The following SLC38A12 variants were observed in gnomAD, a reference collection of about 807,000 sequenced individuals.
SLC38A12 encodes putative sodium-coupled neutral amino acid transporter 12.
the SLC38A12 span, among the ~76,000 whole-genome samples, chr17:74,828,741 T>C: frequency 4.6e-5 from 7 of 151,938 alleles, no homozygotes; most frequent in African/African-American, 1.7e-4. Flanking sequence ...CCTTGGGCTT[T>C]TCGAGAAGGA....
the SLC38A12 span, among the ~76,000 whole-genome samples, chr17:74,822,553 G>C: frequency 6.6e-6 from 1 of 152,244 alleles, no homozygotes. Context: ...TTTGATCCAA[G>C]AGATAATCAA....
the SLC38A12 span, among the ~76,000 whole-genome samples, chr17:74,805,153 T>G: frequency 3.3e-5 from 5 of 152,162 alleles, no homozygotes; most frequent in Non-Finnish European, 7.3e-5. The surrounding 1 kb of genome is among the most constrained non-coding windows in gnomAD (Gnocchi z 5.0). Context: ...TAGTAAAAGG[T>G]CTCCCGGGGA....
chr17:74,836,971 A>G, the SLC38A12 span: 5 of 1,229,920 alleles, frequency 4.1e-6, no homozygotes, highest in South Asian at 1.3e-4. This position sits in a 1 kb window ranked among gnomAD's most constrained non-coding sequence, Gnocchi z 4.2. Context: ...CACCTCTCCC[A>G]CATCTTCCAA....
the SLC38A12 span, among the ~76,000 whole-genome samples, chr17:74,809,240 G>A: frequency 2.6e-5 from 4 of 152,200 alleles, no homozygotes; most frequent in Non-Finnish European, 5.9e-5. Flanking sequence ...GGGGGAAGCA[G>A]AGGTTTGAGG....
chr17:74,788,697 T>A, the SLC38A12 span: 1 of 1,051,496 alleles, frequency 9.5e-7, no homozygotes, highest in Non-Finnish European at 1.4e-6. Flanking sequence ...TCTGGGCTGG[T>A]GGGTCTGGTC....
chr17:74,831,866 C>T, the SLC38A12 span, among the ~76,000 whole-genome samples: 6 of 152,234 alleles, frequency 3.9e-5, no homozygotes, highest in Admixed American at 6.5e-5. Flanking sequence ...GGCTGAGCCC[C>T]GGGCGTCGGT....
At chr17:74,807,598 A>G in the SLC38A12 span, among the ~76,000 whole-genome samples, 1 of 152,184 alleles carries the variant, frequency 6.6e-6, no homozygotes, top group African/African-American at 2.4e-5. Context: ...CTGCCAGGAC[A>G]AGCTTCCCCT....
At chr17:74,824,461 C>T in the SLC38A12 span, among the ~76,000 whole-genome samples, 3 of 152,210 alleles carry the variant, frequency 2.0e-5, no homozygotes, top group African/African-American at 4.8e-5. Context: ...CCTGCCCCGC[C>T]GCAGGGAGCT....
the SLC38A12 span, among the ~76,000 whole-genome samples, chr17:74,796,355 T>A: frequency 6.6e-6 from 1 of 152,194 alleles, no homozygotes; most frequent in African/African-American, 2.4e-5. Flanking sequence ...TGACATAAAT[T>A]TAGGTGTGCT....
At chr17:74,784,511 A>G in the SLC38A12 span, among the ~76,000 whole-genome samples, 2 of 152,088 alleles carry the variant, frequency 1.3e-5, no homozygotes, top group East Asian at 3.9e-4. Context: ...GTTGATACTA[A>G]GAGAAATACA....
At chr17:74,805,663 C>T in the SLC38A12 span, among the ~76,000 whole-genome samples, 9 of 152,234 alleles carry the variant, frequency 5.9e-5, no homozygotes, top group Non-Finnish European at 1.3e-4. This position sits in a 1 kb window ranked among gnomAD's most constrained non-coding sequence, Gnocchi z 5.0. Context: ...CAGACGTCAG[C>T]AGAAAAGGGG....
chr17:74,792,315 G>A, the SLC38A12 span, among the ~76,000 whole-genome samples: 2 of 152,118 alleles, frequency 1.3e-5, no homozygotes, highest in South Asian at 4.1e-4. Context: ...GCTGGGCGTG[G>A]TGGTGCACAC....
chr17:74,787,664 C>T, the SLC38A12 span, among the ~76,000 whole-genome samples: 2 of 151,702 alleles, frequency 1.3e-5, no homozygotes, highest in Middle Eastern at 3.2e-3. Context: ...GATGAATGTT[C>T]GTCCCATGCT....
the SLC38A12 span, among the ~76,000 whole-genome samples, chr17:74,822,749 T>C: frequency 1.3e-5 from 2 of 152,226 alleles, no homozygotes; most frequent in African/African-American, 4.8e-5. Flanking sequence ...CAGCTGGGTC[T>C]AGGGTTCCAT....
chr17:74,789,853 A>G, the SLC38A12 span, among the ~76,000 whole-genome samples: 2 of 151,258 alleles, frequency 1.3e-5, no homozygotes, highest in Non-Finnish European at 3.0e-5. Context: ...CTCAAAAAAA[A>G]AAAAAAAAAA....
the SLC38A12 span, chr17:74,819,694 G>T: frequency 5.8e-6 from 9 of 1,541,984 alleles, no homozygotes; most frequent in South Asian, 6.7e-5. Flanking sequence ...TCTTCCGTGT[G>T]CAGACAGTCT....
chr17:74,834,742 C>T, the SLC38A12 span, among the ~76,000 whole-genome samples: 1 of 152,238 alleles, frequency 6.6e-6, no homozygotes, highest in Admixed American at 6.5e-5. Flanking sequence ...GGAAATGTCA[C>T]GTGTCCCCGT....
At chr17:74,824,193 T>C in the SLC38A12 span, among the ~76,000 whole-genome samples, 1 of 152,290 alleles carries the variant, frequency 6.6e-6, no homozygotes. Flanking sequence ...ATCCCAGCTG[T>C]GGTGCGTGGA....
chr17:74,776,895 T>A, the SLC38A12 span, among the ~76,000 whole-genome samples: 1 of 152,052 alleles, frequency 6.6e-6, no homozygotes, highest in Non-Finnish European at 1.5e-5. Flanking sequence ...CTCCCATGTG[T>A]GGTAGTGAGC....
Sources: gnomAD v4.1 joint callset for allele counts (sites outside exome capture counted in the v4.1 genomes callset) on GRCh38, gnomAD v4.1.1 for gene constraint, Gnocchi (gnomAD v3.1) non-coding constraint, MANE v1.5 for transcripts, NCBI Gene and HGNC (gene_info 2026-07-23, HGNC 2026-07-21) for gene names.